The following CSMD2 variants were observed in gnomAD, a reference collection of about 807,000 sequenced individuals.
CSMD2 encodes the protein CUB and Sushi multiple domains 2, also known as CUB and sushi domain-containing protein 2.
In CSMD2, 130 loss-of-function variants were observed where a neutral mutation model predicts 398.5. The observed-to-expected ratio is 0.33, with a 90% confidence interval of 0.28 to 0.38. The LOEUF is 0.38. CSMD2 is among the 10% of genes least tolerant of loss of function. The pLI is 1.00. For missense variants in CSMD2, 3,829 were observed against 4,764.9 expected, an observed-to-expected ratio of 0.80 and a Z score of 5.78; for synonymous variants, 1,828 against 1,908.5, an observed-to-expected ratio of 0.96 and a Z score of 1.10.
intron 44 of CSMD2, chr1:33,591,916 A>T (rs1352339781): frequency 5.9e-6 from 1 of 168,390 alleles, no homozygotes; most frequent in Admixed American, 5.6e-5. Flanking sequence ...AATTTATAAT[A>T]CCTAATCTCT....
upstream of CSMD2, chr1:34,165,747 C>T: frequency 6.2e-7 from 1 of 1,613,918 alleles, no homozygotes; most frequent in Non-Finnish European, 8.5e-7. Flanking sequence ...TGGCTCTTAC[C>T]AGCTGATCTT....
intron 5 of CSMD2, 119 bp from the exon 6 acceptor site, chr1:33,847,115 G>C: frequency 1.6e-6 from 1 of 617,926 alleles, no homozygotes; most frequent in Non-Finnish European, 2.7e-6. Context: ...CTCTGGAGCA[G>C]GAAGGGAAGG....
In CSMD2 at chr1:33,518,260, A is replaced by C. The variant is rs1653937647; in HGVS notation, c.*53+1205T>G. Reference sequence around the variant, plus strand: ...GACATCGTGTTGGGGCAACTCCTGAAGGGTCATAGGTCCCAGAGGTGAGGG... The same window carrying C: ...GACATCGTGTTGGGGCAACTCCTGACGGGTCATAGGTCCCAGAGGTGAGGG... On this transcript the variant is annotated intron_variant, in intron 70 of 70. Coordinates refer to ENST00000373381, the MANE Select transcript of CSMD2 (RefSeq NM_001281956.2). The surrounding 1 kb of genome is among the most constrained non-coding windows in gnomAD (Gnocchi z 4.3). Among the ~76,000 whole-genome samples the C allele has an allele frequency of 6.6e-6, 1 of 152,220 alleles. No homozygotes were observed. Among genetic ancestry groups the C allele is most frequent in the Admixed American group, 6.5e-5 (1 of 15,288 alleles).
At chr1:33,895,958 A>G (rs570476649) in intron 5 of CSMD2, among the ~76,000 whole-genome samples, 4 of 152,146 alleles carry the variant, frequency 2.6e-5, no homozygotes, top group Non-Finnish European at 4.4e-5. Context: ...AGATACCGTC[A>G]TCTCCTCCAA....
At chr1:33,787,145 C>T (rs1653630842) in intron 12 of CSMD2, among the ~76,000 whole-genome samples, 1 of 152,204 alleles carries the variant, frequency 6.6e-6, no homozygotes, top group East Asian at 1.9e-4. Flanking sequence ...CAAGGACTCA[C>T]AGCCACCACC....
chr1:33,991,078 G>A (rs1447326232), intron 3 of CSMD2, among the ~76,000 whole-genome samples: 1 of 151,672 alleles, frequency 6.6e-6, no homozygotes. Flanking sequence ...GAGTACAGAG[G>A]CATAATCTTA....
chr1:33,774,922 G>A (rs1381068465), intron 12 of CSMD2, among the ~76,000 whole-genome samples: 1 of 152,192 alleles, frequency 6.6e-6, no homozygotes, highest in Non-Finnish European at 1.5e-5. Context: ...GCCAGTTGCT[G>A]TGCTAGACCC....
chr1:33,825,552 T>C (rs897007529), intron 7 of CSMD2, 145 bp downstream of exon 7: 1 of 718,342 alleles, frequency 1.4e-6, no homozygotes, highest in South Asian at 1.7e-5. Flanking sequence ...GTTGGGTCAG[T>C]GTGTCCAAGC....
At chr1:33,889,550 C>T (rs766050165) in intron 5 of CSMD2, among the ~76,000 whole-genome samples, 13 of 152,006 alleles carry the variant, frequency 8.6e-5, no homozygotes, top group Non-Finnish European at 1.6e-4. Flanking sequence ...CCTATTAATG[C>T]TCCAATGTGC....
rs985322379 is a variant in CSMD2 at position 34,027,579 on chromosome 1, C to T, written c.517+5015G>A. Reference sequence around the variant, plus strand: ...ATTGTATGTACAAGGATGTTCTTCACCTAAATGTCCACAGAAGATGACTGG... The same window carrying T: ...ATTGTATGTACAAGGATGTTCTTCATCTAAATGTCCACAGAAGATGACTGG... On this transcript the variant is annotated intron_variant, in intron 3 of 70. Coordinates refer to ENST00000373381, the MANE Select transcript of CSMD2 (RefSeq NM_001281956.2). 5.9e-5 allele frequency among the ~76,000 whole-genome samples: 9 copies of T among 152,180 alleles called. 1 individual carries two copies. The highest frequency in any genetic ancestry group is 2.2e-4 in the African/African-American group (9 of 41,448).
At chr1:33,695,508 G>A (rs1362309449) in intron 24 of CSMD2, among the ~76,000 whole-genome samples, 1 of 152,100 alleles carries the variant, frequency 6.6e-6, no homozygotes, top group Non-Finnish European at 1.5e-5. Flanking sequence ...TCCTGCTGGT[G>A]TTCTCCTCCT....
intron 19 of CSMD2, among the ~76,000 whole-genome samples, chr1:33,719,254 C>T (rs781125723): frequency 3.3e-4 from 50 of 152,342 alleles, no homozygotes; most frequent in Non-Finnish European, 3.4e-4. Context: ...TACGTCCTTT[C>T]CCTCCTACCT....
intron 4 of CSMD2, among the ~76,000 whole-genome samples, chr1:33,927,950 A>C (rs574872298): frequency 1.4e-4 from 22 of 152,290 alleles, no homozygotes; most frequent in African/African-American, 4.8e-4. Context: ...GCCCTTTCCC[A>C]GAGGTTTCTC....
chr1:34,071,059 G>A (rs1353967722), intron 2 of CSMD2, among the ~76,000 whole-genome samples: 5 of 152,274 alleles, frequency 3.3e-5, no homozygotes, highest in Middle Eastern at 3.4e-3. Flanking sequence ...AATTGTTCAC[G>A]CTTCCTTCCT....
At chr1:33,985,063 G>A (rs759706506) in intron 3 of CSMD2, among the ~76,000 whole-genome samples, 3 of 152,198 alleles carry the variant, frequency 2.0e-5, no homozygotes, top group Non-Finnish European at 2.9e-5. Context: ...CATTGCTATC[G>A]TACATGGACC....
chr1:33,922,860 C>T (rs1164703985), intron 4 of CSMD2, among the ~76,000 whole-genome samples: 1 of 152,210 alleles, frequency 6.6e-6, no homozygotes, highest in East Asian at 1.9e-4. Flanking sequence ...GAAGCCCCCT[C>T]CTGGTCTCCA....
In CSMD2 at chr1:34,001,912, T is replaced by TA. The variant is rs539497008; in HGVS notation, c.517+30681dup. Among the ~76,000 whole-genome samples, 31 of 152,218 alleles carry TA rather than the reference T, an allele frequency of 2.0e-4. No homozygotes were observed. In the South Asian group the frequency reaches 5.8e-3, roughly 29 times the overall value. ...ATAAATGCTGCAAAAATAATAATAA[T>TA]AAAAAGGATAATAATGACTGCAACT... is the stretch of plus-strand genomic sequence containing the variant. On this transcript the variant is annotated intron_variant, in intron 3 of 70. Transcript: ENST00000373381.
rs765490689 is a variant in CSMD2 at position 33,527,301 on chromosome 1, G to A, written c.10172-43C>T. 40 of 1,524,466 alleles carry A rather than the reference G, an allele frequency of 2.6e-5. No homozygotes were observed. In the Admixed American group the frequency reaches 3.5e-4, roughly 13 times the overall value. 94.4% of individuals were successfully genotyped at this position (1,524,466 alleles called of 1,614,324 possible). On this transcript the variant is annotated intron_variant, in intron 64 of 70. Coordinates refer to ENST00000373381, the MANE Select transcript of CSMD2 (RefSeq NM_001281956.2). ...TGGAAGAAAACAGGTTCAGCTTCTGGTTCACACTCTGTTGGAAAAATAATG... is the reference window on the plus strand; with the variant it reads ...TGGAAGAAAACAGGTTCAGCTTCTGATTCACACTCTGTTGGAAAAATAATG...
chr1:34,135,241 A>ATC (rs200225236), intron 1 of CSMD2, among the ~76,000 whole-genome samples: 27,799 of 80,932 alleles, frequency 0.34, 3,090 homozygotes, highest in Middle Eastern at 0.4. Flanking sequence ...TCATGTTGAA[A>ATC]TCACACACAC....
Sources: gnomAD v4.1 joint callset for allele counts (sites outside exome capture counted in the v4.1 genomes callset) on GRCh38, gnomAD v4.1.1 for gene constraint, Gnocchi (gnomAD v3.1) non-coding constraint, MANE v1.5 for transcripts, NCBI Gene and HGNC (gene_info 2026-07-23, HGNC 2026-07-21) for gene names.